Variants in SLC35E3 observed in about 807,000 individuals in gnomAD.
SLC35E3 encodes bladder cancer-overexpressed gene 1 protein.
Under a neutral mutation model 30.8 loss-of-function variants are expected in SLC35E3, and 28 were observed. The observed-to-expected ratio is 0.91, with a 90% confidence interval of 0.67 to 1.25. SLC35E3 has a LOEUF of 1.25. SLC35E3 is among the 50% of genes most tolerant of loss of function. The pLI is 0.00. For synonymous variants in SLC35E3, 146 were observed against 149.2 expected (o/e 0.98, Z 0.16); for missense variants, 365 against 375.4 (o/e 0.97, Z 0.23).
intron 2 of SLC35E3, 101 bp from the exon 3 acceptor site, chr12:68,751,931 C>A: frequency 8.6e-7 from 1 of 1,162,452 alleles, no homozygotes; most frequent in Non-Finnish European, 1.2e-6. Flanking sequence ...TTCCCCTAGT[C>A]TATACCCCAC....
intron 4 of SLC35E3, among the ~76,000 whole-genome samples, chr12:68,761,363 C>A (rs1046075543): frequency 1.3e-5 from 2 of 152,128 alleles, no homozygotes; most frequent in Non-Finnish European, 2.9e-5. Flanking sequence ...GTCTGGGCAA[C>A]ATAGTAAGAC....
intron 3 of SLC35E3, among the ~76,000 whole-genome samples, chr12:68,754,905 C>A (rs1476615669): frequency 6.6e-6 from 1 of 152,112 alleles, no homozygotes; most frequent in Non-Finnish European, 1.5e-5. Flanking sequence ...AATGTATAAT[C>A]CTCCTATGTC....
At position 68,773,150 on chromosome 12, in the gene SLC35E3, C is replaced by G. The variant is rs1361950366; in HGVS notation, c.*8260C>G. On this transcript the variant is annotated 3_prime_UTR_variant, in exon 5 of 5. Transcript: ENST00000398004. ...TTCTCTGCCATAACATCTTTTGCCA[C>G]CTATAGCTACAATAAAGTGTCGTCT... 6.6e-6 allele frequency: 1 copy of G among 152,278 alleles called. No individual in the cohort carries two copies. Among genetic ancestry groups the G allele is most frequent in the African/African-American group, 2.4e-5 (1 of 41,440 alleles). The allele number at this position is 152,278 out of a possible 1,614,324, so 9.4% of individuals were successfully genotyped here. A position where few individuals can be genotyped will look rare whatever the true frequency, so the allele number is the denominator to read the frequency against.
rs1038144457 is a variant in SLC35E3 at position 68,765,328 on chromosome 12, CAT to C, written c.*442_*443del. 6.6e-6 allele frequency: 1 copy of C among 151,984 alleles called. No individual in the cohort carries two copies. The highest frequency in any genetic ancestry group is 1.5e-5 in the Non-Finnish European group (1 of 68,152). 9.4% of individuals were successfully genotyped at this position (151,984 alleles called of 1,614,324 possible). ...GAATTAACACAAAGCAGATTTTATT[CAT>C]ATAATGACTTTTTTTTAAGAGTCTC... is the stretch of plus-strand genomic sequence containing the variant. On this transcript the variant is annotated 3_prime_UTR_variant, in exon 5 of 5. Coordinates refer to ENST00000398004, the MANE Select transcript of SLC35E3 (RefSeq NM_018656.5).
In SLC35E3 at chr12:68,766,879, C is replaced by A; in HGVS notation, c.*1989C>A. The stretch of plus-strand genomic sequence containing the variant: ...GGATTACAGGCCTGAGCCACCACAC[C>A]TGGCCAGTAATTTCTTAATCCTACC... On this transcript the variant is annotated 3_prime_UTR_variant, in exon 5 of 5. Transcript: ENST00000398004. 2.6e-6 allele frequency: 1 copy of A among 383,660 alleles called. No homozygotes were observed. The allele number at this position is 383,660 out of a possible 1,614,324, so 23.8% of individuals were successfully genotyped here.
chr12:68,769,932 A>T lies in SLC35E3; in HGVS notation c.*5042A>T, dbSNP rs1289792225. On this transcript the variant is annotated 3_prime_UTR_variant, in exon 5 of 5. Transcript: ENST00000398004. ...TATTAGAGATAGGACTAATTAAACA[A>T]AAACAAGACAAGAATAATTAAACAG... 1 of 152,246 alleles carries T rather than the reference A, an allele frequency of 6.6e-6. No homozygotes were observed. The highest frequency in any genetic ancestry group is 2.4e-5 in the African/African-American group (1 of 41,470). The allele number at this position is 152,246 out of a possible 1,614,324, so 9.4% of individuals were successfully genotyped here. A position where few individuals can be genotyped will look rare whatever the true frequency, so the allele number is the denominator to read the frequency against.
intron 3 of SLC35E3, among the ~76,000 whole-genome samples, chr12:68,758,729 CTTTTTTTTTTTTTTT>C (rs776771224): frequency 4.1e-5 from 2 of 48,374 alleles, no homozygotes; most frequent in Non-Finnish European, 7.1e-5. Flanking sequence ...AATTCTCTTT[CTTTTTTTTTTTTTTT>C]TTTTTTTTTT....
At position 68,765,054 on chromosome 12, in the gene SLC35E3, C is replaced by A; in HGVS notation, c.*164C>A. On this transcript the variant is annotated 3_prime_UTR_variant, in exon 5 of 5. Coordinates refer to ENST00000398004, the MANE Select transcript of SLC35E3 (RefSeq NM_018656.5). ...AGCGGATCACTTGAGGTCAGGAGTT[C>A]GAGACCAGCCTGACCAACATGGAGA... 1.9e-6 allele frequency: 1 copy of A among 534,310 alleles called. No individual in the cohort carries two copies. The highest frequency in any genetic ancestry group is 2.4e-5 in the South Asian group (1 of 41,588). The allele number at this position is 534,310 out of a possible 1,614,324, so 33.1% of individuals were successfully genotyped here. A position where few individuals can be genotyped will look rare whatever the true frequency, so the allele number is the denominator to read the frequency against.
chr12:68,775,803 C>CTGA lies in SLC35E3; in HGVS notation c.*10913_*10914insTGA. 1 of 150,170 alleles carries CTGA rather than the reference C, an allele frequency of 6.7e-6. No homozygotes were observed. Among genetic ancestry groups the CTGA allele is most frequent in the East Asian group, 2.0e-4 (1 of 5,098 alleles). The allele number at this position is 150,170 out of a possible 1,614,324, so 9.3% of individuals were successfully genotyped here. A position where few individuals can be genotyped will look rare whatever the true frequency, so the allele number is the denominator to read the frequency against. ...TCTCTACTAAAAATATAAAAATTAG[C>CTGA]CAGGCATGCTGGCGTGTGCCTGTAA... On this transcript the variant is annotated 3_prime_UTR_variant, in exon 5 of 5. Coordinates refer to ENST00000398004, the MANE Select transcript of SLC35E3 (RefSeq NM_018656.5).
intron 3 of SLC35E3, among the ~76,000 whole-genome samples, chr12:68,755,324 C>T (rs1434908513): frequency 6.6e-6 from 1 of 152,132 alleles, no homozygotes; most frequent in Non-Finnish European, 1.5e-5. Context: ...ACAAGAGTTC[C>T]CACAACTCTT....
rs1047992716 is a variant in SLC35E3 at position 68,766,971 on chromosome 12, C to T, written c.*2081C>T. The T allele has an allele frequency of 1.4e-5, 3 of 216,952 alleles. No homozygotes were observed. The highest frequency in any genetic ancestry group is 7.0e-5 in the African/African-American group (3 of 42,700). The allele number at this position is 216,952 out of a possible 1,614,324, so 13.4% of individuals were successfully genotyped here. On this transcript the variant is annotated 3_prime_UTR_variant, in exon 5 of 5. Coordinates refer to ENST00000398004, the MANE Select transcript of SLC35E3 (RefSeq NM_018656.5). ...TGGAGCTTTCTGTGGTACTGAAACA[C>T]TTGGAGTGAACTGCAAACTTGGAGT... is the stretch of plus-strand genomic sequence containing the variant.
rs1462980729 is a variant in SLC35E3 at position 68,746,671 on chromosome 12, C to A, written c.294C>A (p.Asn98Lys). The A allele has an allele frequency of 6.2e-7, 1 of 1,614,250 alleles. No individual in the cohort carries two copies. The highest frequency in any genetic ancestry group is 8.5e-7 in the Non-Finnish European group (1 of 1,180,044). Residue 98 changes from asparagine (N) to lysine (K), a missense_variant, in exon 1 of 5, where the codon AAC (asparagine) becomes AAA (lysine). Transcript: ENST00000398004. ...TCACTAACCTTTCTCTGCAGAACAA[C>A]ACCATAGGCACCTATCAGCTGGCCA... The part of the protein sequence containing the change: ...VVFTNLSLQN[N>K]TIGTYQLAKA...
Position 68,746,775 on chromosome 12 carries a change from C to T in SLC35E3, c.398C>T (p.Thr133Met). Residue 133 changes from threonine (T) to methionine (M), a missense_variant, in exon 1 of 5, where the codon ACG becomes ATG. Thr to Met is a moderately conservative substitution (Grantham distance 81, BLOSUM62 -1). Coordinates refer to ENST00000398004, the MANE Select transcript of SLC35E3 (RefSeq NM_018656.5). ...QKTFSTRIQLTLIPITLGVIL... is the reference protein window; with the variant it reads ...QKTFSTRIQLMLIPITLGVIL... ...ACCTTCTCCACCAGAATCCAGCTCA[C>T]GCTGGTGAGTAGCTTCAGCTTCCCA... 6.3e-7 allele frequency: 1 copy of T among 1,579,760 alleles called. No homozygotes were observed. The highest frequency in any genetic ancestry group is 8.6e-7 in the Non-Finnish European group (1 of 1,159,556).
intron 3 of SLC35E3, among the ~76,000 whole-genome samples, chr12:68,757,909 G>A (rs1879084130): frequency 6.6e-6 from 1 of 151,694 alleles, no homozygotes; most frequent in Non-Finnish European, 1.5e-5. Context: ...CCAACATGGT[G>A]AAACCCCATC....
At chr12:68,750,639 C>T (rs1426294212) in intron 2 of SLC35E3, among the ~76,000 whole-genome samples, 1 of 152,156 alleles carries the variant, frequency 6.6e-6, no homozygotes, top group Non-Finnish European at 1.5e-5. Context: ...CTGTTCCAGG[C>T]AGTCCTGTGG....
At position 68,768,513 on chromosome 12, in the gene SLC35E3, T is replaced by C. The variant is rs914858546; in HGVS notation, c.*3623T>C. ...TGAAAAGAAAACTCTGGGGAAAATATGCCAGATACTAGGACCAAGCACGGA... is the reference window on the plus strand; with the variant it reads ...TGAAAAGAAAACTCTGGGGAAAATACGCCAGATACTAGGACCAAGCACGGA... On this transcript the variant is annotated 3_prime_UTR_variant, in exon 5 of 5. Transcript: ENST00000398004. 10 of 152,204 alleles carry C rather than the reference T, an allele frequency of 6.6e-5. No individual in the cohort carries two copies. Among genetic ancestry groups the C allele is most frequent in the African/African-American group, 2.4e-4 (10 of 41,434 alleles). The allele number at this position is 152,204 out of a possible 1,614,324, so 9.4% of individuals were successfully genotyped here.
rs8181680 is a variant in SLC35E3 at position 68,774,478 on chromosome 12, C to G, written c.*9588C>G. The G allele has an allele frequency of 1.3e-5, 2 of 152,144 alleles. No homozygotes were observed. The highest frequency in any genetic ancestry group is 1.5e-5 in the Non-Finnish European group (1 of 68,326). 9.4% of individuals were successfully genotyped at this position (152,144 alleles called of 1,614,324 possible). The stretch of plus-strand genomic sequence containing the variant: ...CCTGTAACCCCAGCTACTCGGCAGG[C>G]TGAGACAGGAGAATCGCTTGAACCA... On this transcript the variant is annotated 3_prime_UTR_variant, in exon 5 of 5. Coordinates refer to ENST00000398004, the MANE Select transcript of SLC35E3 (RefSeq NM_018656.5).
At chr12:68,763,696 CA>C (rs1454994927) in intron 4 of SLC35E3, among the ~76,000 whole-genome samples, 20 of 151,624 alleles carry the variant, frequency 1.3e-4, no homozygotes, top group Admixed American at 3.3e-4. Flanking sequence ...TGCCTGGCCA[CA>C]AGTAATTTTT....
chr12:68,749,699 A>T (rs1357380949), intron 2 of SLC35E3, among the ~76,000 whole-genome samples: 1 of 152,200 alleles, frequency 6.6e-6, no homozygotes, highest in African/African-American at 2.4e-5. Context: ...ATTGAAGGGC[A>T]CACAGAAATG....
Sources: allele counts gnomAD v4.1 joint callset (sites outside exome capture counted in the v4.1 genomes callset), GRCh38; gene constraint gnomAD v4.1.1; transcripts MANE v1.5; gene names NCBI Gene and HGNC (gene_info 2026-07-23, HGNC 2026-07-21).